The following COL19A1 variants were observed in gnomAD, a reference collection of about 807,000 sequenced individuals.
The protein encoded by COL19A1 is collagen alpha-1(XIX) chain.
Under a neutral mutation model 190.2 loss-of-function variants are expected in COL19A1, and 159 were observed. That is an observed-to-expected ratio of 0.84 (90% CI 0.73 to 0.95). COL19A1 has a LOEUF of 0.95. COL19A1 is among the 40% of genes least tolerant of loss of function. The pLI is 0.00. For synonymous variants in COL19A1, 509 were observed against 458.9 expected, an observed-to-expected ratio of 1.11 and a Z score of -1.39; for missense variants, 1,418 against 1,431.9, an observed-to-expected ratio of 0.99 and a Z score of 0.16.
At chr6:69,922,697 T>C (rs1772070750) in intron 4 of COL19A1, among the ~76,000 whole-genome samples, 1 of 152,018 alleles carries the variant, frequency 6.6e-6, no homozygotes, top group Admixed American at 6.6e-5. Flanking sequence ...GCCAGGCAGG[T>C]CTCAAACTCC....
At chr6:70,074,805 AC>A (rs1554200796) in intron 15 of COL19A1, among the ~76,000 whole-genome samples, 39 of 152,108 alleles carry the variant, frequency 2.6e-4, no homozygotes, top group African/African-American at 8.9e-4. Context: ...ACTGACAATG[AC>A]CTTTAAAATG....
intron 36 of COL19A1, 32 bp from the exon 37 acceptor site, chr6:70,165,909 A>G (rs1562236726): frequency 1.9e-6 from 3 of 1,608,950 alleles, no homozygotes; most frequent in Non-Finnish European, 2.6e-6. Context: ...AGAAACGTCT[A>G]CGCCGCTGAT....
chr6:69,892,345 G>A (rs1449708246), intron 2 of COL19A1, among the ~76,000 whole-genome samples: 4 of 152,110 alleles, frequency 2.6e-5, no homozygotes, highest in South Asian at 4.1e-4. Flanking sequence ...AAATGTAAGC[G>A]AAAACTTAAA....
intron 11 of COL19A1, among the ~76,000 whole-genome samples, chr6:70,004,300 A>G (rs1011427156): frequency 3.3e-5 from 5 of 152,014 alleles, no homozygotes; most frequent in Admixed American, 3.3e-4. Flanking sequence ...GGCTACCCTT[A>G]ATATTTTCTT....
intron 4 of COL19A1, among the ~76,000 whole-genome samples, chr6:69,925,994 G>A (rs1027029925): frequency 3.0e-4 from 45 of 152,246 alleles, no homozygotes; most frequent in South Asian, 4.1e-4. Flanking sequence ...GGGCTGAGAC[G>A]ATGGGGTTTT....
chr6:70,003,499 G>T (rs887196921), intron 11 of COL19A1, among the ~76,000 whole-genome samples: 13 of 152,138 alleles, frequency 8.5e-5, no homozygotes, highest in African/African-American at 2.7e-4. Flanking sequence ...TATTGTGTGG[G>T]AGTCTAAGTC....
chr6:69,867,152 G>A (rs1767503573), intron 1 of COL19A1, among the ~76,000 whole-genome samples: 1 of 150,514 alleles, frequency 6.6e-6, no homozygotes, highest in African/African-American at 2.5e-5. Flanking sequence ...GTTAAGCGGC[G>A]TAAGCTAAGA....
At chr6:70,035,809 T>G (rs1779321390) in intron 13 of COL19A1, 95 bp from the exon 14 acceptor site, 6 of 950,066 alleles carry the variant, frequency 6.3e-6, no homozygotes, top group Non-Finnish European at 9.8e-6. Context: ...CTTCAAGATT[T>G]ATCTCTATAT....
intron 16 of COL19A1, among the ~76,000 whole-genome samples, chr6:70,118,432 G>A (rs1784704498): frequency 6.6e-6 from 1 of 152,140 alleles, no homozygotes; most frequent in African/African-American, 2.4e-5. Flanking sequence ...GACTCTAATT[G>A]GCATCTCTTT....
At chr6:70,161,069 T>A (rs540964089) in intron 34 of COL19A1, among the ~76,000 whole-genome samples, 1 of 152,234 alleles carries the variant, frequency 6.6e-6, no homozygotes, top group South Asian at 2.1e-4. Flanking sequence ...GCATCTTAAA[T>A]CCTATCCGGT....
chr6:70,116,236 A>G (rs1463112857), intron 16 of COL19A1, among the ~76,000 whole-genome samples: 1 of 152,130 alleles, frequency 6.6e-6, no homozygotes, highest in Non-Finnish European at 1.5e-5. Flanking sequence ...GTCTTTTATA[A>G]ATTTGGAAGA....
chr6:70,210,756 T>C lies in COL19A1; in HGVS notation c.*3482T>C, dbSNP rs1768142592. 6.6e-6 allele frequency among the ~76,000 whole-genome samples: 1 copy of C among 152,190 alleles called. No individual in the cohort carries two copies. The highest frequency in any genetic ancestry group is 2.1e-4 in the South Asian group (1 of 4,832). On this transcript the variant is annotated 3_prime_UTR_variant, in exon 51 of 51. Transcript: ENST00000620364. ...GGCTACGAACAGTTTAGTGGACAAC[T>C]AAATCAGACTCTTGCCTTTGCACTT...
chr6:70,206,369 T>C (rs1200577), intron 49 of COL19A1, among the ~76,000 whole-genome samples: 115,295 of 152,134 alleles, frequency 0.76, 43,960 homozygotes, highest in African/African-American at 0.82. Flanking sequence ...TGGCTCATGC[T>C]TGTAATCCCA....
intron 17 of COL19A1, among the ~76,000 whole-genome samples, chr6:70,129,943 T>C (rs571878342): frequency 4.7e-4 from 71 of 152,262 alleles, no homozygotes; most frequent in African/African-American, 1.5e-3. Context: ...CCAGAAGCAA[T>C]CTCCTTAAGA....
At chr6:70,053,623 A>T (rs1780334746) in intron 14 of COL19A1, among the ~76,000 whole-genome samples, 1 of 152,220 alleles carries the variant, frequency 6.6e-6, no homozygotes, top group Admixed American at 6.5e-5. Context: ...TGTTTAAAGA[A>T]ATATTTGTAT....
At chr6:70,007,519 C>T (rs1214930701) in intron 11 of COL19A1, among the ~76,000 whole-genome samples, 1 of 151,796 alleles carries the variant, frequency 6.6e-6, no homozygotes, top group African/African-American at 2.4e-5. Flanking sequence ...GCCAATATAG[C>T]AGGAAGATAT....
chr6:69,888,952 G>A (rs1582291084), intron 2 of COL19A1, among the ~76,000 whole-genome samples: 1 of 152,182 alleles, frequency 6.6e-6, no homozygotes, highest in East Asian at 1.9e-4. Context: ...AAAGTAGGAT[G>A]TGTACAGGGG....
chr6:70,177,039 C>A (rs917134454), intron 42 of COL19A1, among the ~76,000 whole-genome samples: 11 of 152,122 alleles, frequency 7.2e-5, no homozygotes, highest in African/African-American at 2.7e-4. Context: ...ATAAACTAGC[C>A]CTTCAATCCT....
intron 7 of COL19A1, among the ~76,000 whole-genome samples, chr6:69,935,898 T>C (rs1473570975): frequency 2.0e-5 from 3 of 152,054 alleles, no homozygotes; most frequent in Admixed American, 2.0e-4. Flanking sequence ...AAAATAAATA[T>C]CAATCATGAT....
Sources: allele counts gnomAD v4.1 joint callset (sites outside exome capture counted in the v4.1 genomes callset), GRCh38; gene constraint gnomAD v4.1.1; transcripts MANE v1.5; gene names NCBI Gene and HGNC (gene_info 2026-07-23, HGNC 2026-07-21).